RNF115: variants seen among roughly 807,000 people sequenced by gnomAD.
RNF115 encodes the protein E3 ubiquitin-protein ligase RNF115.
RNF115 carries 31 observed loss-of-function variants against 39.2 expected under a neutral mutation model. The observed-to-expected ratio is 0.79, with a 90% CI of 0.59 to 1.07. The LOEUF (loss-of-function observed/expected upper bound fraction) is 1.07, where lower values mean the gene tolerates loss of function less well. RNF115 is among the 50% of genes least tolerant of loss of function. The pLI is 0.00. For missense variants in RNF115, 384 were observed against 381.7 expected (o/e 1.01, Z -0.05); for synonymous variants, 124 against 131.0 (o/e 0.95, Z 0.37).
intron 4 of RNF115, among the ~76,000 whole-genome samples, chr1:145,767,073 ACCC>A (rs1318642446): frequency 7.8e-6 from 1 of 128,380 alleles, no homozygotes; most frequent in African/African-American, 3.1e-5. Flanking sequence ...CAGGGGGCTG[ACCC>A]CCCCACCTCC....
intron 4 of RNF115, among the ~76,000 whole-genome samples, chr1:145,766,550 C>A (rs1446335500): frequency 1.3e-5 from 2 of 151,556 alleles, no homozygotes; most frequent in Non-Finnish European, 1.5e-5. Context: ...AGAGGGGCTC[C>A]TCACTTCCCA....
At chr1:145,752,160 T>G (rs892498343) in intron 5 of RNF115, among the ~76,000 whole-genome samples, 3 of 152,114 alleles carry the variant, frequency 2.0e-5, no homozygotes, top group African/African-American at 7.2e-5. Context: ...CAGCAAATAA[T>G]TTCTCAGACA....
chr1:145,768,475 C>G (rs782314722), intron 4 of RNF115, among the ~76,000 whole-genome samples: 3 of 152,242 alleles, frequency 2.0e-5, no homozygotes, highest in Non-Finnish European at 4.4e-5. Context: ...GCCACCATGC[C>G]TGGTTAATTT....
At chr1:145,817,630 G>A (rs1190867416) in intron 1 of RNF115, among the ~76,000 whole-genome samples, 21 of 112,172 alleles carry the variant, frequency 1.9e-4, no homozygotes, top group African/African-American at 5.5e-4. Flanking sequence ...AGGTTTGGGG[G>A]CACATATGTA....
intron 3 of RNF115, among the ~76,000 whole-genome samples, chr1:145,781,629 G>A (rs1003595773): frequency 1.3e-5 from 2 of 152,062 alleles, no homozygotes; most frequent in Non-Finnish European, 2.9e-5. Flanking sequence ...TTTAATCCTC[G>A]TAACATCCCT....
chr1:145,798,400 T>C (rs880003500), intron 1 of RNF115, among the ~76,000 whole-genome samples: 27 of 152,178 alleles, frequency 1.8e-4, no homozygotes, highest in Admixed American at 5.2e-4. Flanking sequence ...AGTCCAGTTT[T>C]CCCAACACTG....
intron 4 of RNF115, among the ~76,000 whole-genome samples, chr1:145,770,080 C>G (rs1553715533): frequency 2.6e-5 from 4 of 152,074 alleles, no homozygotes; most frequent in African/African-American, 9.7e-5. Context: ...CACTAGAAAA[C>G]ATTAGAAAAC....
At chr1:145,776,405 C>G (rs1264800776) in intron 3 of RNF115, among the ~76,000 whole-genome samples, 1 of 151,752 alleles carries the variant, frequency 6.6e-6, no homozygotes, top group Non-Finnish European at 1.5e-5. Context: ...CTCAGGAGAT[C>G]CACCTGCCTC....
chr1:145,788,836 TACTC>T (rs748300322), intron 2 of RNF115, 68 bp downstream of exon 2: 21 of 1,078,438 alleles, frequency 1.9e-5, no homozygotes, highest in Admixed American at 1.7e-4. Context: ...AAATTCAACT[TACTC>T]AGTCCATGCT....
intron 2 of RNF115, 73 bp downstream of exon 2, chr1:145,788,835 T>C: frequency 9.3e-7 from 1 of 1,078,926 alleles, no homozygotes; most frequent in Non-Finnish European, 1.4e-6. Context: ...CAAATTCAAC[T>C]TACTCAGTCC....
intron 3 of RNF115, among the ~76,000 whole-genome samples, chr1:145,775,469 C>T: frequency 6.8e-6 from 1 of 147,478 alleles, no homozygotes. Context: ...GATCATGGTT[C>T]ACTGCAGCCT....
At chr1:145,806,557 GC>G (rs1649472481) in intron 1 of RNF115, among the ~76,000 whole-genome samples, 1 of 152,078 alleles carries the variant, frequency 6.6e-6, no homozygotes, top group Non-Finnish European at 1.5e-5. Flanking sequence ...TGGAGGTAGG[GC>G]CTAGTGGGAG....
intron 1 of RNF115, among the ~76,000 whole-genome samples, chr1:145,809,464 C>T (rs1291074939): frequency 3.3e-4 from 48 of 143,326 alleles, no homozygotes; most frequent in Middle Eastern, 7.5e-3. Flanking sequence ...TATAGGTGTG[C>T]GCCACTGCAC....
intron 1 of RNF115, among the ~76,000 whole-genome samples, chr1:145,790,714 G>T (rs1648625442): frequency 6.6e-6 from 1 of 152,080 alleles, no homozygotes. Flanking sequence ...TTACAGGTGT[G>T]AGCCACCGTG....
At chr1:145,796,479 C>T (rs1345622456) in intron 1 of RNF115, among the ~76,000 whole-genome samples, 7 of 151,056 alleles carry the variant, frequency 4.6e-5, no homozygotes, top group East Asian at 1.9e-4. Flanking sequence ...CAAGCTGGAG[C>T]GCAGTGGCAT....
At chr1:145,812,006 T>C (rs1649748239) in intron 1 of RNF115, among the ~76,000 whole-genome samples, 1 of 138,094 alleles carries the variant, frequency 7.2e-6, no homozygotes, top group Non-Finnish European at 1.6e-5. Context: ...TATTTCAAAA[T>C]ACTTATAAGA....
intron 1 of RNF115, among the ~76,000 whole-genome samples, chr1:145,799,222 C>T (rs1195734614): frequency 6.6e-6 from 1 of 152,056 alleles, no homozygotes; most frequent in Non-Finnish European, 1.5e-5. Context: ...TGCCTGCCAT[C>T]ATGCCCAGCT....
Position 145,745,277 on chromosome 1 carries a change from T to C in RNF115, c.*1589A>G, listed in dbSNP as rs1010981109. On this transcript the variant is annotated 3_prime_UTR_variant, in exon 9 of 9. Coordinates refer to ENST00000582693, the MANE Select transcript of RNF115 (RefSeq NM_014455.4). ...GCCTGGGCAACACGGCAAAACCCTA[T>C]CTCTACAAAAATACAAAAATTACCC... 1 of 152,210 alleles carries C rather than the reference T, an allele frequency of 6.6e-6. No homozygotes were observed. The highest frequency in any genetic ancestry group is 1.5e-5 in the Non-Finnish European group (1 of 68,136). 9.4% of individuals were successfully genotyped at this position (152,210 alleles called of 1,614,324 possible).
chr1:145,792,791 G>C (rs1166152230), intron 1 of RNF115, among the ~76,000 whole-genome samples: 4 of 152,188 alleles, frequency 2.6e-5, no homozygotes, highest in African/African-American at 9.6e-5. Flanking sequence ...GCAGATAGGG[G>C]CCAGAATGTA....
Sources: gnomAD v4.1 joint callset for allele counts (sites outside exome capture counted in the v4.1 genomes callset) on GRCh38, gnomAD v4.1.1 for gene constraint, MANE v1.5 for transcripts, NCBI Gene and HGNC (gene_info 2026-07-23, HGNC 2026-07-21) for gene names.